The following ADGB variants were observed in gnomAD, a reference collection of about 807,000 sequenced individuals.
The protein encoded by ADGB is androglobin, also known as calpain-7-like protein.
In ADGB, 172 loss-of-function variants were observed where a neutral mutation model predicts 210.5. The observed-to-expected ratio is 0.82, with a 90% CI of 0.72 to 0.93. ADGB has a LOEUF of 0.93. Among genes scored for constraint, ADGB ranks in the 40% least tolerant of loss-of-function variants. The pLI is 0.00. For synonymous variants in ADGB, 658 were observed against 662.7 expected (o/e 0.99, Z 0.11); for missense variants, 2,025 against 1,964.8 (o/e 1.03, Z -0.58).
intron 33 of ADGB, among the ~76,000 whole-genome samples, 163 bp downstream of exon 33, chr6:146,788,773 C>A (rs1777916396): frequency 6.6e-6 from 1 of 152,130 alleles, no homozygotes; most frequent in Non-Finnish European, 1.5e-5. Flanking sequence ...GGAATTTGCT[C>A]AAGGACCTGA....
At chr6:146,696,152 T>C (rs2114927628) in intron 12 of ADGB, among the ~76,000 whole-genome samples, 1 of 152,074 alleles carries the variant, frequency 6.6e-6, no homozygotes, top group African/African-American at 2.4e-5. Flanking sequence ...CTTGGCTCAC[T>C]GCAACCTCTG....
At chr6:146,743,772 G>A in intron 25 of ADGB, among the ~76,000 whole-genome samples, 1 of 152,148 alleles carries the variant, frequency 6.6e-6, no homozygotes, top group Non-Finnish European at 1.5e-5. Context: ...AAATTAGCCA[G>A]GCGTGGTGGC....
At chr6:146,796,889 A>G (rs1778051875) in intron 33 of ADGB, among the ~76,000 whole-genome samples, 1 of 152,204 alleles carries the variant, frequency 6.6e-6, no homozygotes, top group Non-Finnish European at 1.5e-5. Context: ...AAAAGAAATA[A>G]TCAGCAGAGT....
intron 9 of ADGB, among the ~76,000 whole-genome samples, chr6:146,683,365 T>A (rs1209681460): frequency 6.6e-6 from 1 of 152,128 alleles, no homozygotes; most frequent in African/African-American, 2.4e-5. Context: ...TGAAAATCCC[T>A]ATTTAATAGC....
At chr6:146,781,301 C>T (rs112247259) in intron 29 of ADGB, among the ~76,000 whole-genome samples, 26,512 of 150,528 alleles carry the variant, frequency 0.18, 2,856 homozygotes, top group Middle Eastern at 0.3. Context: ...CAAGATTGTG[C>T]CACTGCACTC....
intron 27 of ADGB, among the ~76,000 whole-genome samples, chr6:146,762,059 G>A (rs1777499484): frequency 6.6e-6 from 1 of 152,020 alleles, no homozygotes; most frequent in South Asian, 2.1e-4. Context: ...CCTAATCCAG[G>A]TTGATGTCTT....
In ADGB at chr6:146,801,194, C is replaced by T. The variant is rs577031292; in HGVS notation, c.4549C>T (p.Arg1517Cys). Residue 1517 changes from arginine (R) to cysteine (C), a missense_variant, in exon 34 of 36, where the codon CGT becomes TGT. Coordinates refer to ENST00000397944, the MANE Select transcript of ADGB (RefSeq NM_024694.4). ...TRKENIQTGP[R>C]TRSPTILETS... ...TGTTTTTTTTAAAGAAACAGGACCT[C>T]GTACACGATCTCCAACAATTTTGGA... 6 of 1,493,346 alleles carry T rather than the reference C, an allele frequency of 4.0e-6. No homozygotes were observed. The highest frequency in any genetic ancestry group is 4.6e-5 in the Admixed American group (2 of 43,030). The allele number at this position is 1,493,346 out of a possible 1,614,324, so 92.5% of individuals were successfully genotyped here.
chr6:146,651,404 A>G (rs1775700438), intron 3 of ADGB, among the ~76,000 whole-genome samples: 1 of 152,190 alleles, frequency 6.6e-6, no homozygotes, highest in South Asian at 2.1e-4. Flanking sequence ...GAGAAACAAG[A>G]TGTGGTGAAA....
At chr6:146,720,471 C>A (rs1223810667) in intron 16 of ADGB, among the ~76,000 whole-genome samples, 1 of 152,124 alleles carries the variant, frequency 6.6e-6, no homozygotes, top group African/African-American at 2.4e-5. Context: ...TTTGATTTTA[C>A]GAAGCACTTT....
Position 146,654,210 on chromosome 6 carries a change from T to C in ADGB, c.402+4T>C. 6.5e-7 allele frequency: 1 copy of C among 1,536,916 alleles called. No individual in the cohort carries two copies. Among genetic ancestry groups the C allele is most frequent in the Non-Finnish European group, 8.8e-7 (1 of 1,136,260 alleles). On this transcript the variant is annotated splice_donor_region_variant and intron_variant, in intron 4 of 35. Transcript: ENST00000397944. The stretch of plus-strand genomic sequence containing the variant: ...TGAACATTTACTCTGCAGCGAGGTA[T>C]GTACAGAAATATGAACTAAAGTCTC...
chr6:146,807,395 G>C, intron 35 of ADGB: 1 of 1,548,496 alleles, frequency 6.5e-7, no homozygotes, highest in Non-Finnish European at 8.7e-7. Context: ...GTTTTGCTTT[G>C]GAACAGGACT....
chr6:146,784,858 TAGTC>T, intron 31 of ADGB, 64 bp downstream of exon 31: 6 of 1,459,094 alleles, frequency 4.1e-6, no homozygotes, highest in Non-Finnish European at 5.5e-6. Flanking sequence ...CTGAAAAAAA[TAGTC>T]ATGCTGGTAA....
rs761609800 is a variant in ADGB at position 146,784,745 on chromosome 6, G to A, written c.4163G>A (p.Arg1388Gln). Reference protein sequence around the residue: ...KKDTERADEIRAMKQAWETTE... With the variant: ...KKDTERADEIQAMKQAWETTE... ...GATACAGAAAGGGCAGATGAAATCC[G>A]AGCCATGAAACAAGCCTGGGAGACA... Residue 1388 changes from arginine (R) to glutamine (Q), a missense_variant, in exon 31 of 36, where the codon CGA becomes CAA. Transcript: ENST00000397944. The A allele has an allele frequency of 2.0e-5, 31 of 1,550,926 alleles. No individual in the cohort carries two copies. Among genetic ancestry groups the A allele is most frequent in the Non-Finnish European group, 2.6e-5 (30 of 1,146,682 alleles).
chr6:146,681,784 C>T (rs969909196), intron 9 of ADGB, among the ~76,000 whole-genome samples: 7 of 152,132 alleles, frequency 4.6e-5, no homozygotes, highest in African/African-American at 1.7e-4. Flanking sequence ...CAAACATTGT[C>T]TGGTAGGAAG....
chr6:146,750,085 C>T (rs79381776), intron 26 of ADGB, among the ~76,000 whole-genome samples: 1,776 of 152,208 alleles, frequency 0.012, 26 homozygotes, highest in African/African-American at 0.04. Context: ...TGTCTGCTTC[C>T]ACTCTTCTCA....
intron 1 of ADGB, among the ~76,000 whole-genome samples, chr6:146,634,996 T>C (rs1435694334): frequency 3.3e-5 from 5 of 152,014 alleles, no homozygotes; most frequent in African/African-American, 1.2e-4. Flanking sequence ...CAAAATGACT[T>C]AATTTTCAAA....
chr6:146,657,087 A>C, intron 5 of ADGB, 107 bp downstream of exon 5: 1 of 1,000,036 alleles, frequency 1.0e-6, no homozygotes, highest in Non-Finnish European at 1.5e-6. Context: ...TGGGAGGCAA[A>C]GGCCAAGGCA....
At chr6:146,710,553 G>A (rs375522117) in intron 13 of ADGB, among the ~76,000 whole-genome samples, 247 of 152,230 alleles carry the variant, frequency 1.6e-3, no homozygotes, top group African/African-American at 5.7e-3. Context: ...TTTGTTGAAT[G>A]TGATAGCTTA....
intron 2 of ADGB, among the ~76,000 whole-genome samples, chr6:146,640,890 A>G (rs942957671): frequency 6.6e-6 from 1 of 152,020 alleles, no homozygotes; most frequent in African/African-American, 2.4e-5. Flanking sequence ...TCTATTTAAC[A>G]TAGTATTGGA....
Sources: allele counts gnomAD v4.1 joint callset (sites outside exome capture counted in the v4.1 genomes callset), GRCh38; gene constraint gnomAD v4.1.1; transcripts MANE v1.5; gene names NCBI Gene and HGNC (gene_info 2026-07-23, HGNC 2026-07-21).